Variants in KCNQ5 observed in about 807,000 individuals in gnomAD.
KCNQ5 encodes the protein potassium voltage-gated channel subfamily Q member 5.
A neutral mutation model predicts 98.2 loss-of-function variants in KCNQ5; 30 were observed. That is an observed-to-expected ratio of 0.31 (90% confidence interval 0.23 to 0.41). The LOEUF is 0.41. Among genes scored for constraint, KCNQ5 ranks in the 10% least tolerant of loss-of-function variants. The pLI is 1.00. For synonymous variants in KCNQ5, 458 were observed against 449.4 expected, an observed-to-expected ratio of 1.02 and a Z score of -0.24; for missense variants, 835 against 1,182.5, an observed-to-expected ratio of 0.71 and a Z score of 4.31.
At chr6:72,733,205 T>C (rs915890539) in intron 1 of KCNQ5, among the ~76,000 whole-genome samples, 1 of 151,978 alleles carries the variant, frequency 6.6e-6, no homozygotes, top group Non-Finnish European at 1.5e-5. Flanking sequence ...GACAGAACTA[T>C]GAATAATACA....
At chr6:72,720,051 G>A (rs764533085) in intron 1 of KCNQ5, among the ~76,000 whole-genome samples, 2 of 152,194 alleles carry the variant, frequency 1.3e-5, no homozygotes, top group Non-Finnish European at 2.9e-5. Context: ...CGCCATATCT[G>A]TTAGGCATGC....
intron 1 of KCNQ5, among the ~76,000 whole-genome samples, chr6:72,997,973 T>G (rs1172322100): frequency 3.9e-5 from 6 of 152,186 alleles, no homozygotes; most frequent in Admixed American, 3.9e-4. Flanking sequence ...TGCTTTGCAG[T>G]GGAAGCTGAG....
At chr6:72,820,485 T>TTTC (rs1489352962) in intron 1 of KCNQ5, among the ~76,000 whole-genome samples, 1 of 138,376 alleles carries the variant, frequency 7.2e-6, no homozygotes, top group Non-Finnish European at 1.6e-5. Context: ...TCTTTCTTTC[T>TTTC]TTTTTTTTTT....
chr6:72,720,075 C>T (rs1769867907), intron 1 of KCNQ5, among the ~76,000 whole-genome samples: 2 of 152,224 alleles, frequency 1.3e-5, no homozygotes, highest in Non-Finnish European at 2.9e-5. Flanking sequence ...CAAGGCAGTG[C>T]TCATCATCAT....
chr6:72,836,402 G>A (rs1245755864), intron 1 of KCNQ5, among the ~76,000 whole-genome samples: 1 of 152,002 alleles, frequency 6.6e-6, no homozygotes, highest in Non-Finnish European at 1.5e-5. Context: ...GAGCAAAACT[G>A]GAGAAGAATT....
At chr6:73,143,125 A>G (rs1776787752) in intron 10 of KCNQ5, among the ~76,000 whole-genome samples, 1 of 152,172 alleles carries the variant, frequency 6.6e-6, no homozygotes, top group Non-Finnish European at 1.5e-5. Context: ...AGTTCAATAT[A>G]ATGGCAGCTT....
At chr6:72,830,270 T>TA (rs1257956607) in intron 1 of KCNQ5, among the ~76,000 whole-genome samples, 2 of 151,950 alleles carry the variant, frequency 1.3e-5, no homozygotes, top group African/African-American at 4.8e-5. Flanking sequence ...GAGCCTGCAT[T>TA]GCCAAGACAA....
intron 1 of KCNQ5, among the ~76,000 whole-genome samples, chr6:72,906,853 G>A (rs1319460491): frequency 6.6e-6 from 1 of 152,172 alleles, no homozygotes; most frequent in Non-Finnish European, 1.5e-5. Context: ...AAAAATTCAA[G>A]ATATAAGCCT....
chr6:73,018,784 G>A (rs531260275), intron 2 of KCNQ5, among the ~76,000 whole-genome samples: 3 of 152,230 alleles, frequency 2.0e-5, no homozygotes, highest in Admixed American at 2.0e-4. Context: ...TTATGAAATT[G>A]TACATACAGT....
At chr6:72,885,228 C>A (rs1209230704) in intron 1 of KCNQ5, among the ~76,000 whole-genome samples, 1 of 152,136 alleles carries the variant, frequency 6.6e-6, no homozygotes, top group Non-Finnish European at 1.5e-5. Flanking sequence ...ATATATACAG[C>A]CAGCTTCATA....
intron 1 of KCNQ5, among the ~76,000 whole-genome samples, chr6:72,765,066 A>G: frequency 6.6e-6 from 1 of 152,090 alleles, no homozygotes; most frequent in Non-Finnish European, 1.5e-5. Flanking sequence ...TGTTGTAAAC[A>G]GTGCTGCAAC....
chr6:72,937,955 T>C (rs945908896), intron 1 of KCNQ5, among the ~76,000 whole-genome samples: 2 of 152,172 alleles, frequency 1.3e-5, no homozygotes, highest in Admixed American at 6.5e-5. Context: ...TAACTTACAA[T>C]TGGGAAATGT....
At position 72,857,424 on chromosome 6, in the gene KCNQ5, T is replaced by A. The variant is rs539766481; in HGVS notation, c.399-146484T>A. On this transcript the variant is annotated intron_variant, in intron 1 of 13. Transcript: ENST00000370398. ...CAGTTTCAATTTTCAGGCATTTTCA[T>A]GGTCCCATTTTACTGTGCAAAGACT... 9.8e-5 allele frequency among the ~76,000 whole-genome samples: 15 copies of A among 152,324 alleles called. No homozygotes were observed. The East Asian group carries it at 2.7e-3, about 27-fold the overall frequency.
intron 11 of KCNQ5, among the ~76,000 whole-genome samples, chr6:73,172,653 C>T (rs187514506): frequency 3.0e-4 from 46 of 152,274 alleles, no homozygotes; most frequent in South Asian, 4.1e-4. Context: ...ACATGCCCAC[C>T]TCTTGCAGCT....
chr6:72,682,270 G>A (rs76133185), intron 1 of KCNQ5, among the ~76,000 whole-genome samples: 3,982 of 152,120 alleles, frequency 0.026, 69 homozygotes, highest in Non-Finnish European at 0.04. Flanking sequence ...GTTCTCCACG[G>A]TCTTCTCCAA....
At chr6:72,706,812 C>T (rs1454859755) in intron 1 of KCNQ5, among the ~76,000 whole-genome samples, 1 of 152,160 alleles carries the variant, frequency 6.6e-6, no homozygotes, top group African/African-American at 2.4e-5. Flanking sequence ...TAGTAATCCA[C>T]ACCATCTGTG....
At chr6:72,957,290 C>T (rs754173980) in intron 1 of KCNQ5, among the ~76,000 whole-genome samples, 1 of 151,660 alleles carries the variant, frequency 6.6e-6, no homozygotes, top group East Asian at 1.9e-4. Flanking sequence ...CCAGCCTCAG[C>T]CTCCCTAGTA....
intron 1 of KCNQ5, among the ~76,000 whole-genome samples, chr6:72,958,611 A>T (rs1383073424): frequency 6.6e-6 from 1 of 152,210 alleles, no homozygotes; most frequent in Non-Finnish European, 1.5e-5. Flanking sequence ...CAGGTATATT[A>T]AGGTAAAACA....
intron 1 of KCNQ5, among the ~76,000 whole-genome samples, chr6:72,945,830 G>A (rs1041689458): frequency 3.3e-5 from 5 of 152,054 alleles, no homozygotes; most frequent in Admixed American, 1.3e-4. Flanking sequence ...TGCAATACTG[G>A]TGTAGAATAT....
Sources: gnomAD v4.1 joint callset for allele counts (sites outside exome capture counted in the v4.1 genomes callset) on GRCh38, gnomAD v4.1.1 for gene constraint, MANE v1.5 for transcripts, NCBI Gene and HGNC (gene_info 2026-07-23, HGNC 2026-07-21) for gene names.